ALG14: variants seen among roughly 807,000 people sequenced by gnomAD.
ALG14 encodes ALG14 UDP-N-acetylglucosaminyltransferase subunit.
ALG14 carries 17 observed loss-of-function variants against 22.8 expected under a neutral mutation model. The observed-to-expected ratio is 0.75, with a 90% CI of 0.51 to 1.12. The LOEUF (loss-of-function observed/expected upper bound fraction) is 1.12, where lower values mean the gene tolerates loss of function less well. Among genes scored for constraint, ALG14 ranks in the 50% most tolerant of loss-of-function variants. The pLI, the probability that ALG14 is intolerant of heterozygous loss-of-function variation, is 0.00. For synonymous variants in ALG14, 89 were observed against 103.7 expected (o/e 0.86, Z 0.86); for missense variants, 288 against 271.8 (o/e 1.06, Z -0.42).
chr1:95,020,738 C>A (rs1173604222), intron 3 of ALG14, among the ~76,000 whole-genome samples: 104 of 137,590 alleles, frequency 7.6e-4, no homozygotes, highest in African/African-American at 9.2e-4. Flanking sequence ...AACTCCGTCT[C>A]AAAAAAAAAA....
chr1:95,071,612 T>C (rs2100854224), intron 1 of ALG14, among the ~76,000 whole-genome samples: 1 of 152,312 alleles, frequency 6.6e-6, no homozygotes, highest in South Asian at 2.1e-4. Flanking sequence ...TACATTGAAC[T>C]CTACACGATA....
In ALG14 at chr1:95,069,311, AAACAAAAACC is replaced by A. The variant is rs1170946638; in HGVS notation, c.136+3442_136+3451del. ...GGTACATAACAAGAGTCTGTCTTAAAAACAAAAACCAAAACAAAACTTCAAAAGCTCCTTT... is the reference window on the plus strand; with the variant it reads ...GGTACATAACAAGAGTCTGTCTTAAAAAAACAAAACTTCAAAAGCTCCTTT... On this transcript the variant is annotated intron_variant, in intron 1 of 3. Transcript: ENST00000370205. 1.1e-4 allele frequency among the ~76,000 whole-genome samples: 16 copies of A among 152,332 alleles called. No individual in the cohort carries two copies. The South Asian group carries it at 2.3e-3, about 22-fold the overall frequency.
intron 2 of ALG14, among the ~76,000 whole-genome samples, chr1:95,057,062 A>AAG (rs1191023258): frequency 6.6e-6 from 1 of 151,354 alleles, no homozygotes; most frequent in Non-Finnish European, 1.5e-5. Flanking sequence ...GCTCAAAAAA[A>AAG]AAAAAAAAAA....
intron 3 of ALG14, among the ~76,000 whole-genome samples, chr1:94,984,934 CTCTTT>C (rs756322373): frequency 2.6e-5 from 4 of 151,436 alleles, no homozygotes; most frequent in Non-Finnish European, 4.4e-5. Context: ...GAGACAAGTT[CTCTTT>C]TTTTTCTTTT....
At chr1:95,065,673 C>T (rs1039191507) in intron 1 of ALG14, among the ~76,000 whole-genome samples, 5 of 152,146 alleles carry the variant, frequency 3.3e-5, no homozygotes, top group Middle Eastern at 3.2e-3. Flanking sequence ...GGGGCATGAG[C>T]GCTGATCAGC....
Position 94,982,969 on chromosome 1 carries a change from C to T in ALG14, c.*107G>A. The T allele has an allele frequency of 3.5e-6, 3 of 858,386 alleles. No homozygotes were observed. The highest frequency in any genetic ancestry group is 5.5e-6 in the Non-Finnish European group (3 of 541,838). The allele number at this position is 858,386 out of a possible 1,614,324, so 53.2% of individuals were successfully genotyped here. ...TTTATTCCTTACCATCAATAATTCT[C>T]AGGACTGTCAGACGCCTTTACAAGA... On this transcript the variant is annotated 3_prime_UTR_variant, in exon 4 of 4. Coordinates refer to ENST00000370205, the MANE Select transcript of ALG14 (RefSeq NM_144988.4).
Position 94,980,919 on chromosome 1 carries a change from G to A in ALG14, c.*2157C>T, listed in dbSNP as rs1314310621. ...ACATATGTTTCTGGAAAAAATTATA[G>A]CATCTTTTCTACAATTCTCTCTGGT... On this transcript the variant is annotated 3_prime_UTR_variant, in exon 4 of 4. Transcript: ENST00000370205. 6.7e-6 allele frequency: 1 copy of A among 150,156 alleles called. No individual in the cohort carries two copies. Among genetic ancestry groups the A allele is most frequent in the Non-Finnish European group, 1.5e-5 (1 of 67,838 alleles). The allele number at this position is 150,156 out of a possible 1,614,324, so 9.3% of individuals were successfully genotyped here.
At chr1:95,060,894 A>C (rs1397677205) in intron 2 of ALG14, among the ~76,000 whole-genome samples, 2 of 152,224 alleles carry the variant, frequency 1.3e-5, no homozygotes, top group Non-Finnish European at 2.9e-5. Context: ...ATTTAGAAAT[A>C]AGAGCACTGC....
At chr1:94,998,402 G>A (rs1033527840) in intron 3 of ALG14, among the ~76,000 whole-genome samples, 8 of 152,146 alleles carry the variant, frequency 5.3e-5, no homozygotes, top group African/African-American at 1.9e-4. Flanking sequence ...GCTCCCTTTG[G>A]TTGGGGGAAG....
Position 94,975,048 on chromosome 1 carries a change from G to A in ALG14, c.*8028C>T, listed in dbSNP as rs1348079413. On this transcript the variant is annotated 3_prime_UTR_variant, in exon 4 of 4. Coordinates refer to ENST00000370205, the MANE Select transcript of ALG14 (RefSeq NM_144988.4). ...AAATTCACCCAGTATACAATTCAGT[G>A]GCTTTTAGTATATTCACAGAGATGT... 6.6e-6 allele frequency: 1 copy of A among 152,176 alleles called. No individual in the cohort carries two copies. Among genetic ancestry groups the A allele is most frequent in the Non-Finnish European group, 1.5e-5 (1 of 68,050 alleles). The allele number at this position is 152,176 out of a possible 1,614,324, so 9.4% of individuals were successfully genotyped here.
rs199810437 is a variant in ALG14 at position 95,042,363 on chromosome 1, G to C, written c.289-15103C>G. On this transcript the variant is annotated intron_variant, in intron 2 of 3. Transcript: ENST00000370205. ...TTTGAAAGTTCTTCTGGTCTTCTCA[G>C]TTTCGTCAGACTCTTCGCGTTATTT... Among the ~76,000 whole-genome samples, 55 of 152,092 alleles carry C rather than the reference G, an allele frequency of 3.6e-4. No homozygotes were observed. In the East Asian group the frequency reaches 8.5e-3, roughly 24 times the overall value.
At chr1:95,002,284 C>T (rs1312495093) in intron 3 of ALG14, among the ~76,000 whole-genome samples, 3 of 152,010 alleles carry the variant, frequency 2.0e-5, no homozygotes, top group South Asian at 4.2e-4. Context: ...GTAGCGCAAG[C>T]GGCCCCAGCA....
At chr1:95,068,119 T>C (rs752392948) in intron 1 of ALG14, among the ~76,000 whole-genome samples, 7 of 152,306 alleles carry the variant, frequency 4.6e-5, no homozygotes, top group Non-Finnish European at 1.0e-4. Context: ...AGCACCATAC[T>C]ATGAGGGCAG....
At chr1:95,011,052 C>T (rs559977540) in intron 3 of ALG14, among the ~76,000 whole-genome samples, 1 of 152,136 alleles carries the variant, frequency 6.6e-6, no homozygotes, top group South Asian at 2.1e-4. Context: ...AAAGTCAACT[C>T]AAGAAAAGAA....
intron 3 of ALG14, among the ~76,000 whole-genome samples, chr1:94,987,096 A>C (rs1672663830): frequency 6.6e-6 from 1 of 152,164 alleles, no homozygotes; most frequent in Non-Finnish European, 1.5e-5. Flanking sequence ...CCATTTTGCC[A>C]CCATGTAGAG....
At chr1:95,031,668 C>T (rs1674006733) in intron 2 of ALG14, among the ~76,000 whole-genome samples, 1 of 151,590 alleles carries the variant, frequency 6.6e-6, no homozygotes, top group Non-Finnish European at 1.5e-5. Context: ...CTCTCCCCAT[C>T]CCCACGTACA....
At position 94,977,321 on chromosome 1, in the gene ALG14, A is replaced by G. The variant is rs1404557949; in HGVS notation, c.*5755T>C. On this transcript the variant is annotated 3_prime_UTR_variant, in exon 4 of 4. Transcript: ENST00000370205. ...ATAGTGAAACCCTGCCTCTTATTTTAAAAAAAGAAGAGATGAATTCGCTGA... is the reference window on the plus strand; with the variant it reads ...ATAGTGAAACCCTGCCTCTTATTTTGAAAAAAGAAGAGATGAATTCGCTGA... 1.3e-5 allele frequency: 2 copies of G among 152,168 alleles called. No homozygotes were observed. The highest frequency in any genetic ancestry group is 1.3e-4 in the Admixed American group (2 of 15,264). The allele number at this position is 152,168 out of a possible 1,614,324, so 9.4% of individuals were successfully genotyped here. A position where few individuals can be genotyped will look rare whatever the true frequency, so the allele number is the denominator to read the frequency against.
intron 3 of ALG14, chr1:94,983,532 C>T: frequency 1.9e-6 from 1 of 532,932 alleles, no homozygotes; most frequent in African/African-American, 1.9e-5. Flanking sequence ...CTGTGTGACT[C>T]AGGGCAAATC....
chr1:94,995,404 G>A (rs1286201125), intron 3 of ALG14, among the ~76,000 whole-genome samples: 1 of 152,140 alleles, frequency 6.6e-6, no homozygotes, highest in Non-Finnish European at 1.5e-5. Flanking sequence ...CTGTACTCTT[G>A]GTGTGCTTAA....
Sources: gnomAD v4.1 joint callset for allele counts (sites outside exome capture counted in the v4.1 genomes callset) on GRCh38, gnomAD v4.1.1 for gene constraint, MANE v1.5 for transcripts, NCBI Gene and HGNC (gene_info 2026-07-23, HGNC 2026-07-21) for gene names.